RANBP2: variants seen among roughly 807,000 people sequenced by gnomAD.
RANBP2 encodes the protein RAN binding protein 2.
A neutral mutation model predicts 303.6 loss-of-function variants in RANBP2; 57 were observed. The ratio of observed to expected loss-of-function variants is 0.19; its 90% confidence interval spans 0.15 to 0.23. The LOEUF (loss-of-function observed/expected upper bound fraction) is 0.23. RANBP2 is among the 10% of genes least tolerant of loss of function. RANBP2 has a pLI of 1.00. For synonymous variants in RANBP2, 1,167 were observed against 1,301.5 expected (o/e 0.90, Z 2.23); for missense variants, 3,138 against 3,780.8 (o/e 0.83, Z 4.46).
At chr2:108,937,987 C>T in the RANBP2 span, among the ~76,000 whole-genome samples, 1 of 152,220 alleles carries the variant, frequency 6.6e-6, no homozygotes, top group Non-Finnish European at 1.5e-5. Context: ...AACAGATATT[C>T]TTGCACACGT....
the RANBP2 span, among the ~76,000 whole-genome samples, chr2:109,059,384 G>C: frequency 1.3e-5 from 2 of 152,120 alleles, no homozygotes; most frequent in African/African-American, 4.8e-5. Context: ...GACCATCCTG[G>C]CTAACACGGT....
chr2:108,736,199 T>G lies in RANBP2; in HGVS notation c.732T>G (p.Leu244=), dbSNP rs374781899. The change falls in exon 6 of 29, where the codon CTT becomes CTG. Residue 244 remains leucine, a synonymous_variant. Coordinates refer to ENST00000283195, the MANE Select transcript of RANBP2 (RefSeq NM_006267.5). ...DLLLAYANLM[L]LTLSTRDVQE... ...TGCTGGCCTATGCTAATCTTATGCTTCTTACGCTTTCCACTAGAGATGTGC... is the reference window on the plus strand; with the variant it reads ...TGCTGGCCTATGCTAATCTTATGCTGCTTACGCTTTCCACTAGAGATGTGC... The G allele has an allele frequency of 1.6e-5, 26 of 1,611,972 alleles. No homozygotes were observed. The African/African-American group carries it at 3.3e-4, about 21-fold the overall frequency.
At chr2:109,432,819 C>T in the RANBP2 span, 2 of 1,125,062 alleles carry the variant, frequency 1.8e-6, no homozygotes, top group African/African-American at 1.6e-5. Flanking sequence ...CCACTGGCGT[C>T]CCCAGGCCCA....
the RANBP2 span, among the ~76,000 whole-genome samples, chr2:109,346,931 G>T: frequency 1.3e-5 from 2 of 152,168 alleles, no homozygotes; most frequent in Non-Finnish European, 2.9e-5. Context: ...ATGGTGGGGG[G>T]GTCTGTGATG....
At chr2:109,423,867 C>T in the RANBP2 span, among the ~76,000 whole-genome samples, 4 of 152,312 alleles carry the variant, frequency 2.6e-5, no homozygotes, top group East Asian at 7.7e-4. Flanking sequence ...CCGCCTGCAC[C>T]TCTAGAGAGG....
At chr2:109,182,465 C>G in the RANBP2 span, among the ~76,000 whole-genome samples, 1 of 152,200 alleles carries the variant, frequency 6.6e-6, no homozygotes, top group African/African-American at 2.4e-5. Flanking sequence ...GGGACACACT[C>G]AAACTATAGT....
chr2:109,614,327 G>A, the RANBP2 span: 1 of 642,756 alleles, frequency 1.6e-6, no homozygotes, highest in Non-Finnish European at 2.2e-6. Flanking sequence ...CCGCCCGGGC[G>A]CGGCCCAGTG....
chr2:108,933,810 G>A, the RANBP2 span, among the ~76,000 whole-genome samples: 251 of 152,154 alleles, frequency 1.6e-3, 1 homozygote, highest in African/African-American at 5.9e-3. Context: ...CAGCCCGTCA[G>A]GTGGGGGAGG....
chr2:108,786,543 G>C (rs931624937), downstream of RANBP2, among the ~76,000 whole-genome samples: 5 of 152,168 alleles, frequency 3.3e-5, no homozygotes, highest in Non-Finnish European at 7.4e-5. Flanking sequence ...CGGGGCCTCG[G>C]TGCCCCTCAA....
chr2:108,929,564 C>G, the RANBP2 span, among the ~76,000 whole-genome samples: 1 of 152,206 alleles, frequency 6.6e-6, no homozygotes, highest in African/African-American at 2.4e-5. Context: ...TGGGCTTGCC[C>G]CTCTCCTCGC....
the RANBP2 span, among the ~76,000 whole-genome samples, chr2:108,804,202 T>G: frequency 6.6e-6 from 1 of 152,186 alleles, no homozygotes; most frequent in African/African-American, 2.4e-5. Flanking sequence ...TGTAGAAACT[T>G]GTTTTAAAGC....
At chr2:108,990,026 G>A in the RANBP2 span, among the ~76,000 whole-genome samples, 3 of 152,186 alleles carry the variant, frequency 2.0e-5, no homozygotes, top group Admixed American at 6.5e-5. Flanking sequence ...TCTGGGCTCC[G>A]TGGCTCACAC....
chr2:109,721,015 T>G, the RANBP2 span, among the ~76,000 whole-genome samples: 1 of 152,096 alleles, frequency 6.6e-6, no homozygotes, highest in South Asian at 2.1e-4. Context: ...CCAAGAGGGC[T>G]GGTGCAGCAT....
chr2:108,746,653 G>A (rs1219256240), intron 7 of RANBP2, 58 bp from the exon 8 acceptor site: 1 of 1,013,612 alleles, frequency 9.9e-7, no homozygotes, highest in African/African-American at 1.6e-5. Context: ...ATAAGACCAT[G>A]TTACTATTAG....
In RANBP2 at chr2:108,763,875, A is replaced by C. The variant is rs1158173562; in HGVS notation, c.3336A>C (p.Thr1112=). ...GSKNVSGISF[T]ENMGSSQQKN... ...AAAATGTGTCTGGAATTTCATTTAC[A>C]GAAAACATGGGGTCGAGTCAGCAAA... The change falls in exon 20 of 29, where the codon ACA becomes ACC. Residue 1112 remains threonine (T), a synonymous_variant. Coordinates refer to ENST00000283195, the MANE Select transcript of RANBP2 (RefSeq NM_006267.5). The C allele has an allele frequency of 1.2e-6, 2 of 1,613,912 alleles. No homozygotes were observed. Among genetic ancestry groups the C allele is most frequent in the Non-Finnish European group, 1.7e-6 (2 of 1,179,984 alleles).
chr2:108,818,702 T>A, the RANBP2 span, among the ~76,000 whole-genome samples: 1 of 152,182 alleles, frequency 6.6e-6, no homozygotes, highest in Non-Finnish European at 1.5e-5. Context: ...ATCTTTTTTT[T>A]GTTATCGGAC....
At chr2:109,036,745 T>A in the RANBP2 span, among the ~76,000 whole-genome samples, 1 of 152,156 alleles carries the variant, frequency 6.6e-6, no homozygotes, top group African/African-American at 2.4e-5. Context: ...CAGTAGCTCA[T>A]GCCTGTAGTC....
At chr2:109,048,189 C>T in the RANBP2 span, among the ~76,000 whole-genome samples, 1 of 152,180 alleles carries the variant, frequency 6.6e-6, no homozygotes, top group Admixed American at 6.5e-5. Context: ...CAGGCCATTA[C>T]TTTTGTCTGT....
chr2:108,804,112 GTA>G, the RANBP2 span, among the ~76,000 whole-genome samples: 2 of 151,884 alleles, frequency 1.3e-5, no homozygotes, highest in African/African-American at 4.8e-5. Flanking sequence ...TTTTTATTAA[GTA>G]TAAGGATAAC....
Sources: allele counts gnomAD v4.1 joint callset (sites outside exome capture counted in the v4.1 genomes callset), GRCh38; gene constraint gnomAD v4.1.1; transcripts MANE v1.5; gene names NCBI Gene and HGNC (gene_info 2026-07-23, HGNC 2026-07-21).